Variants in GPLD1 observed in about 807,000 individuals in gnomAD.
GPLD1 encodes the protein glycosylphosphatidylinositol specific phospholipase D1, also known as phosphatidylinositol-glycan-specific phospholipase D.
GPLD1 carries 84 observed loss-of-function variants against 112.6 expected under a neutral mutation model. That is an observed-to-expected ratio of 0.75 (90% CI 0.63 to 0.89). GPLD1 has a LOEUF of 0.89. GPLD1 is among the 40% of genes least tolerant of loss of function. GPLD1 has a pLI of 0.00. For synonymous variants in GPLD1, 386 were observed against 403.8 expected (o/e 0.96, Z 0.53); for missense variants, 1,044 against 1,051.5 (o/e 0.99, Z 0.10).
upstream of GPLD1, among the ~76,000 whole-genome samples, chr6:24,491,128 T>C (rs902013107): frequency 2.0e-5 from 3 of 152,140 alleles, no homozygotes; most frequent in African/African-American, 2.4e-5. Context: ...TGCCCCCTGA[T>C]AGAGCATGTC....
chr6:24,455,840 G>A (rs1188365796), intron 13 of GPLD1, among the ~76,000 whole-genome samples: 1 of 152,168 alleles, frequency 6.6e-6, no homozygotes, highest in Non-Finnish European at 1.5e-5. Context: ...TTGACCAAGT[G>A]TAAGGAGATC....
At chr6:24,494,455 C>T (rs1448978467), upstream of GPLD1, among the ~76,000 whole-genome samples, 1 of 152,144 alleles carries the variant, frequency 6.6e-6, no homozygotes, top group Non-Finnish European at 1.5e-5. Context: ...CACACTTCGA[C>T]CCCTCAGAGA....
At chr6:24,475,283 C>T (rs1763972312) in intron 4 of GPLD1, 52 bp from the exon 5 acceptor site, 1 of 921,272 alleles carries the variant, frequency 1.1e-6, no homozygotes. Flanking sequence ...TTTATAATAA[C>T]AATCCTATTA....
chr6:24,433,848 G>A (rs565529267), intron 22 of GPLD1, among the ~76,000 whole-genome samples: 85 of 151,978 alleles, frequency 5.6e-4, no homozygotes, highest in Middle Eastern at 3.4e-3. Flanking sequence ...TTTGACCCCA[G>A]AAATTCTACT....
intron 2 of GPLD1, among the ~76,000 whole-genome samples, chr6:24,485,426 G>T (rs186012252): frequency 6.6e-6 from 1 of 152,130 alleles, no homozygotes; most frequent in East Asian, 1.9e-4. Flanking sequence ...ACTAATATTG[G>T]AATGATACAG....
intron 5 of GPLD1, among the ~76,000 whole-genome samples, chr6:24,474,198 C>A (rs56245100): frequency 8.1e-6 from 1 of 123,448 alleles, no homozygotes; most frequent in Admixed American, 7.9e-5. Flanking sequence ...CACACACACA[C>A]ACACACACAT....
In GPLD1 at chr6:24,470,449, T is replaced by C. The variant is rs993112656; in HGVS notation, c.545+2133A>G. Among the ~76,000 whole-genome samples the C allele has an allele frequency of 3.3e-5, 5 of 152,142 alleles. No homozygotes were observed. The East Asian group carries it at 7.7e-4, about 23-fold the overall frequency. On this transcript the variant is annotated intron_variant, in intron 7 of 24. Coordinates refer to ENST00000230036, the MANE Select transcript of GPLD1 (RefSeq NM_001503.4). ...CAAACTCTGACAGAACTACAAGAAA[T>C]TGAAAAATCTACCCTCATGTGGGAG...
At chr6:24,454,244 T>A in intron 13 of GPLD1, 43 bp from the exon 14 acceptor site, 3 of 1,450,208 alleles carry the variant, frequency 2.1e-6, no homozygotes, top group Non-Finnish European at 2.8e-6. Context: ...CACTGAGCAC[T>A]AGGGTTAAAG....
At chr6:24,490,179 C>T (rs112476675), upstream of GPLD1, among the ~76,000 whole-genome samples, 6 of 152,254 alleles carry the variant, frequency 3.9e-5, no homozygotes, top group East Asian at 9.7e-4. Flanking sequence ...CAGATTCCTG[C>T]AGCTGAAGCA....
At chr6:24,466,047 A>G (rs1479045295) in intron 10 of GPLD1, among the ~76,000 whole-genome samples, 3 of 152,176 alleles carry the variant, frequency 2.0e-5, no homozygotes, top group Non-Finnish European at 4.4e-5. Flanking sequence ...GGGTTTTCCC[A>G]AAAGAAACAG....
intron 24 of GPLD1, 22 bp downstream of exon 24, chr6:24,433,165 G>C: frequency 6.5e-7 from 1 of 1,550,016 alleles, no homozygotes; most frequent in Non-Finnish European, 8.9e-7. Flanking sequence ...AAACATCAAT[G>C]AAGTTCAGTC....
chr6:24,489,652 A>G (rs544380652), upstream of GPLD1: 27 of 1,403,880 alleles, frequency 1.9e-5, no homozygotes, highest in African/African-American at 3.0e-4. Context: ...TCATTTCAAA[A>G]TAATATCGTT....
rs1331494594 is a variant in GPLD1, at chr6:24,456,581, T to A, written c.1065A>T (p.Ile355=). ...GCTTTTGTGACAACTGAGAGCCACC[T>A]ATGAACATTGTCCTTATGTTCCTTT... is the stretch of plus-strand genomic sequence containing the variant. ...ALERNIRTMF[I]GGSQLSQKHV... Residue 355 remains isoleucine, a synonymous_variant, in exon 13 of 25, where the codon ATA becomes ATT. Coordinates refer to ENST00000230036, the MANE Select transcript of GPLD1 (RefSeq NM_001503.4). 1 of 1,600,134 alleles carries A rather than the reference T, an allele frequency of 6.2e-7. No homozygotes were observed. Among genetic ancestry groups the A allele is most frequent in the Non-Finnish European group, 8.6e-7 (1 of 1,167,422 alleles).
intron 10 of GPLD1, among the ~76,000 whole-genome samples, chr6:24,464,395 C>T (rs907821412): frequency 6.6e-6 from 1 of 152,116 alleles, no homozygotes; most frequent in East Asian, 1.9e-4. Flanking sequence ...CCCAGGTCCA[C>T]GGGAGAGCTT....
At chr6:24,480,100 ATAAAG>A (rs1332322478) in intron 2 of GPLD1, 141 bp from the exon 3 acceptor site, 9 of 585,716 alleles carry the variant, frequency 1.5e-5, no homozygotes, top group Admixed American at 5.8e-5. Context: ...GAAAGCAGGC[ATAAAG>A]TAAATAAATG....
At chr6:24,443,839 T>C (rs1762827984) in intron 20 of GPLD1, among the ~76,000 whole-genome samples, 3 of 151,670 alleles carry the variant, frequency 2.0e-5, no homozygotes, top group South Asian at 2.1e-4. Context: ...CCTGGCTAAT[T>C]TGTGTATTTT....
intron 18 of GPLD1, among the ~76,000 whole-genome samples, chr6:24,446,115 T>TC (rs1762902442): frequency 1.5e-5 from 2 of 137,656 alleles, no homozygotes; most frequent in African/African-American, 5.4e-5. Flanking sequence ...TCAGTGGTGG[T>TC]CCCCCCGATC....
chr6:24,449,666 A>G (rs2127335245), intron 15 of GPLD1, 123 bp downstream of exon 15: 2 of 682,842 alleles, frequency 2.9e-6, no homozygotes, highest in Non-Finnish European at 5.1e-6. Context: ...TCTGCTCACA[A>G]ATGCTCTGTC....
intron 14 of GPLD1, among the ~76,000 whole-genome samples, chr6:24,450,700 G>C (rs1234471766): frequency 1.3e-5 from 2 of 152,150 alleles, no homozygotes; most frequent in Non-Finnish European, 2.9e-5. Context: ...TTTCTACCCT[G>C]GCGCAGTGGC....
Sources: gnomAD v4.1 joint callset for allele counts (sites outside exome capture counted in the v4.1 genomes callset) on GRCh38, gnomAD v4.1.1 for gene constraint, MANE v1.5 for transcripts, NCBI Gene and HGNC (gene_info 2026-07-23, HGNC 2026-07-21) for gene names.